The following CLVS1 variants were observed in gnomAD, a reference collection of about 807,000 sequenced individuals.
The protein encoded by CLVS1 is clavesin-1.
In CLVS1, 10 loss-of-function variants were observed where a neutral mutation model predicts 33.1. The observed-to-expected ratio is 0.30, with a 90% CI of 0.19 to 0.51. The LOEUF (loss-of-function observed/expected upper bound fraction) is 0.51. Among genes scored for constraint, CLVS1 ranks in the 20% least tolerant of loss-of-function variants. CLVS1 has a pLI of 0.97. For missense variants in CLVS1, 343 were observed against 433.4 expected (o/e 0.79, Z 1.85); for synonymous variants, 163 against 166.1 (o/e 0.98, Z 0.14).
intron 3 of CLVS1, among the ~76,000 whole-genome samples, chr8:61,444,326 C>G (rs1377057520): frequency 2.0e-5 from 3 of 152,130 alleles, no homozygotes; most frequent in Non-Finnish European, 4.4e-5. Flanking sequence ...GAAAAACATT[C>G]AGTTTTTCAC....
chr8:61,033,049 A>AT, the CLVS1 span, among the ~76,000 whole-genome samples: 102 of 89,900 alleles, frequency 1.1e-3, 3 homozygotes, highest in Non-Finnish European at 2.1e-3. Context: ...AAGAAAGAAA[A>AT]AGAAAGAAAG....
At position 61,418,292 on chromosome 8, in the gene CLVS1, C is replaced by T. The variant is rs141396477; in HGVS notation, c.631-35849C>T. On this transcript the variant is annotated intron_variant, in intron 3 of 5. Transcript: ENST00000325897. ...GAGGCAGGAGGATCGCTTGAACCCA[C>T]GAGTTTGTGACCAGCCTGGGCAACA... Among the ~76,000 whole-genome samples, 1,331 of 152,104 alleles carry T rather than the reference C, an allele frequency of 8.8e-3. 15 individuals carry two copies. The highest frequency in any genetic ancestry group is 0.04 in the South Asian group (190 of 4,810).
chr8:61,137,148 A>G (rs892226226), intron 2 of CLVS1, among the ~76,000 whole-genome samples: 2 of 152,178 alleles, frequency 1.3e-5, no homozygotes, highest in African/African-American at 4.8e-5. Flanking sequence ...GAAGACATTT[A>G]ATGGGGTGCA....
At chr8:61,240,245 G>A (rs529932500) in intron 2 of CLVS1, among the ~76,000 whole-genome samples, 6 of 152,106 alleles carry the variant, frequency 3.9e-5, no homozygotes, top group Non-Finnish European at 7.3e-5. Context: ...CACTAGACCT[G>A]GTCTTTTCTT....
chr8:61,157,201 T>C (rs1806667492), intron 2 of CLVS1, among the ~76,000 whole-genome samples: 1 of 151,904 alleles, frequency 6.6e-6, no homozygotes, highest in African/African-American at 2.4e-5. Flanking sequence ...GGGTAGGCTC[T>C]TTTTTTTGCA....
At chr8:60,964,973 GA>G in the CLVS1 span, 1 of 152,132 alleles carries the variant, frequency 6.6e-6, no homozygotes, top group Non-Finnish European at 1.5e-5. Context: ...GCAGGCCTGG[GA>G]AGTTTTCCCA....
At chr8:61,271,013 C>T (rs1422999819) in intron 2 of CLVS1, among the ~76,000 whole-genome samples, 4 of 148,382 alleles carry the variant, frequency 2.7e-5, no homozygotes, top group Non-Finnish European at 6.0e-5. Context: ...TCTCTATTTC[C>T]TTCAGTTCTG....
intron 1 of CLVS1, among the ~76,000 whole-genome samples, chr8:61,102,391 A>T (rs889597244): frequency 6.6e-6 from 1 of 152,090 alleles, no homozygotes; most frequent in African/African-American, 2.4e-5. Flanking sequence ...TCTTAATTTA[A>T]TTTTGGTTGG....
At chr8:61,137,456 G>A (rs899693273) in intron 2 of CLVS1, among the ~76,000 whole-genome samples, 5 of 152,084 alleles carry the variant, frequency 3.3e-5, no homozygotes, top group Middle Eastern at 3.2e-3. Flanking sequence ...GATAATACTT[G>A]TCTTCTTCAG....
chr8:61,102,499 G>T (rs1328722539), intron 1 of CLVS1, among the ~76,000 whole-genome samples: 1 of 152,126 alleles, frequency 6.6e-6, no homozygotes, highest in East Asian at 1.9e-4. Flanking sequence ...TCTAAAAATG[G>T]CTTTCTTAGG....
the CLVS1 span, among the ~76,000 whole-genome samples, chr8:61,045,725 A>T: frequency 6.6e-6 from 1 of 152,224 alleles, no homozygotes; most frequent in African/African-American, 2.4e-5. Context: ...TTCCACCCAC[A>T]CAATTTTAGG....
chr8:61,366,970 A>G (rs755256689), intron 2 of CLVS1, among the ~76,000 whole-genome samples: 7 of 152,142 alleles, frequency 4.6e-5, no homozygotes, highest in Middle Eastern at 3.2e-3. Context: ...ACTAGTCACA[A>G]CTACAGCACC....
At chr8:61,446,476 G>A (rs781403997) in intron 3 of CLVS1, among the ~76,000 whole-genome samples, 30 of 152,174 alleles carry the variant, frequency 2.0e-4, no homozygotes, top group South Asian at 6.2e-4. Flanking sequence ...GGTTGTATCT[G>A]TTGAGGGCCT....
upstream of CLVS1, among the ~76,000 whole-genome samples, chr8:61,282,988 C>G (rs1380848157): frequency 6.6e-6 from 1 of 152,170 alleles, no homozygotes; most frequent in Non-Finnish European, 1.5e-5. Context: ...CAAGTGCCTT[C>G]CATGATATAG....
intron 1 of CLVS1, among the ~76,000 whole-genome samples, chr8:61,104,294 A>C (rs769441300): frequency 2.0e-5 from 3 of 152,224 alleles, no homozygotes; most frequent in Admixed American, 6.5e-5. Flanking sequence ...CATTTGGTCA[A>C]CTTCAAAGAC....
chr8:61,474,515 T>A (rs1817842840), intron 5 of CLVS1, among the ~76,000 whole-genome samples: 1 of 152,250 alleles, frequency 6.6e-6, no homozygotes, highest in South Asian at 2.1e-4. Context: ...TTTGTCTTCC[T>A]CTTCATCTTC....
At chr8:61,064,423 T>C (rs1005713542) in intron 1 of CLVS1, among the ~76,000 whole-genome samples, 38 of 152,196 alleles carry the variant, frequency 2.5e-4, no homozygotes, top group African/African-American at 7.2e-4. Context: ...TAGCATTTCA[T>C]TGAGGTTTTG....
intron 2 of CLVS1, among the ~76,000 whole-genome samples, chr8:61,196,733 C>T (rs2129303951): frequency 6.6e-6 from 1 of 152,268 alleles, no homozygotes. Context: ...ATTTAGGAGG[C>T]ATTTAGGAGG....
chr8:61,457,731 G>T (rs1401974834), intron 4 of CLVS1, among the ~76,000 whole-genome samples: 1 of 152,036 alleles, frequency 6.6e-6, no homozygotes, highest in Non-Finnish European at 1.5e-5. Context: ...TTTCCCCCGT[G>T]GGGAAACAAG....
Sources: gnomAD v4.1 joint callset for allele counts (sites outside exome capture counted in the v4.1 genomes callset) on GRCh38, gnomAD v4.1.1 for gene constraint, MANE v1.5 for transcripts, NCBI Gene and HGNC (gene_info 2026-07-23, HGNC 2026-07-21) for gene names.